Variants in LAMC3 observed in about 807,000 individuals in gnomAD.
The protein encoded by LAMC3 is laminin subunit gamma 3, also known as laminin subunit gamma-3.
In LAMC3, 128 loss-of-function variants were observed where a neutral mutation model predicts 173.8. The observed-to-expected ratio is 0.74, with a 90% CI of 0.64 to 0.85. The LOEUF is 0.85. LAMC3 is among the 40% of genes least tolerant of loss of function. The pLI is 0.00. For synonymous variants in LAMC3, 897 were observed against 909.1 expected (o/e 0.99, Z 0.24); for missense variants, 2,022 against 2,156.0 (o/e 0.94, Z 1.23).
chr9:131,080,694 G>C (rs1830223324), intron 23 of LAMC3, among the ~76,000 whole-genome samples: 1 of 152,040 alleles, frequency 6.6e-6, no homozygotes, highest in Non-Finnish European at 1.5e-5. Flanking sequence ...TTTGCCCCCG[G>C]GGTAGCACCT....
intron 4 of LAMC3, 57 bp downstream of exon 4, chr9:131,036,389 G>A (rs1833946108): frequency 1.2e-6 from 2 of 1,600,934 alleles, no homozygotes; most frequent in Non-Finnish European, 1.7e-6. Context: ...TGCAGGCGGG[G>A]AAAGGAACTC....
chr9:131,057,456 T>C (rs1282147068), intron 12 of LAMC3, among the ~76,000 whole-genome samples: 1 of 152,216 alleles, frequency 6.6e-6, no homozygotes, highest in Non-Finnish European at 1.5e-5. Flanking sequence ...GCTGGCCCTT[T>C]TCCCAGGAAG....
intron 11 of LAMC3, among the ~76,000 whole-genome samples, chr9:131,055,721 G>A (rs922719649): frequency 4.6e-5 from 7 of 151,490 alleles, no homozygotes; most frequent in Admixed American, 3.9e-4. Context: ...CACCGCGCCC[G>A]GCCCATTTTT....
chr9:131,071,677 C>A (rs576718282), intron 18 of LAMC3, 52 bp downstream of exon 18: 20 of 1,495,298 alleles, frequency 1.3e-5, no homozygotes, highest in Non-Finnish European at 1.7e-5. Context: ...AGGCCCCCAG[C>A]GCCTGCAGTC....
intron 16 of LAMC3, 30 bp downstream of exon 16, chr9:131,069,080 C>A: frequency 6.2e-7 from 1 of 1,612,138 alleles, no homozygotes; most frequent in South Asian, 1.1e-5. Context: ...CCCGGGCTGC[C>A]CTGAGGGTGG....
intron 17 of LAMC3, among the ~76,000 whole-genome samples, chr9:131,070,298 G>T (rs1050925808): frequency 1.3e-4 from 20 of 152,356 alleles, no homozygotes; most frequent in Admixed American, 2.6e-4. Flanking sequence ...GCAGGCAACA[G>T]CCTTGGTAAG....
At chr9:131,086,395 GTT>G (rs112612783) in intron 25 of LAMC3, among the ~76,000 whole-genome samples, 31 of 131,634 alleles carry the variant, frequency 2.4e-4, no homozygotes, top group Admixed American at 7.5e-4. Flanking sequence ...TTTTGGTTTT[GTT>G]TTTTTTTTTT....
chr9:131,032,265 G>A (rs1227958258), intron 3 of LAMC3, 90 bp downstream of exon 3: 14 of 442,332 alleles, frequency 3.2e-5, no homozygotes, highest in Non-Finnish European at 5.5e-5. Context: ...GGGTGGGGGG[G>A]CACAGAAGCC....
rs1833355060 is a variant in LAMC3 at position 131,009,202 on chromosome 9, G to A, written c.-13G>A. On this transcript the variant is annotated 5_prime_UTR_variant, in exon 1 of 28. Transcript: ENST00000361069. This position sits in a 1 kb window ranked among gnomAD's most constrained non-coding sequence, Gnocchi z 4.3. ...CGGGGCCGGCAGAGCGCGCGGCGTC[G>A]GTGCCCTTGACCATGGCGGCGGCTG... The A allele has an allele frequency of 2.5e-6, 3 of 1,199,862 alleles. No homozygotes were observed. The African/African-American group carries it at 4.8e-5, about 19-fold the overall frequency. The allele number at this position is 1,199,862 out of a possible 1,614,324, so 74.3% of individuals were successfully genotyped here. A position where few individuals can be genotyped will look rare whatever the true frequency, so the allele number is the denominator to read the frequency against.
At chr9:131,070,846 C>A (rs1021117144) in intron 17 of LAMC3, among the ~76,000 whole-genome samples, 3 of 152,206 alleles carry the variant, frequency 2.0e-5, no homozygotes, top group Non-Finnish European at 2.9e-5. Flanking sequence ...TAAATGAAGA[C>A]CACAAGTAGC....
rs759413189 is a variant in LAMC3, at chr9:131,057,159, G to C, written c.2158+12G>C. ...TGACCCCAACACAGGTGAGTCTCCT[G>C]GCACCCCATCCGAAGGCACCTGGGT... is the stretch of plus-strand genomic sequence containing the variant. On this transcript the variant is annotated intron_variant, in intron 12 of 27. Coordinates refer to ENST00000361069, the MANE Select transcript of LAMC3 (RefSeq NM_006059.4). 4 of 1,611,606 alleles carry C rather than the reference G, an allele frequency of 2.5e-6. No individual in the cohort carries two copies. The South Asian group carries it at 4.4e-5, about 18-fold the overall frequency.
At chr9:131,046,941 A>G (rs552152775) in intron 8 of LAMC3, among the ~76,000 whole-genome samples, 1 of 152,154 alleles carries the variant, frequency 6.6e-6, no homozygotes, top group South Asian at 2.1e-4. Flanking sequence ...AGCAGGACCG[A>G]GAGATGCGCG....
In LAMC3 at chr9:131,012,062, T is replaced by TACACACACACACACAC. The variant is rs33965311; in HGVS notation, c.373+2490_373+2505dup. Among the ~76,000 whole-genome samples, 159 of 138,512 alleles carry TACACACACACACACAC rather than the reference T, an allele frequency of 1.1e-3. 2 individuals carry two copies. The highest frequency in any genetic ancestry group is 3.8e-3 in the African/African-American group (146 of 38,288). 90.9% of individuals were successfully genotyped at this position (138,512 alleles called of 152,430 possible). A position where few individuals can be genotyped will look rare whatever the true frequency, so the allele number is the denominator to read the frequency against. On this transcript the variant is annotated intron_variant, in intron 1 of 27. Transcript: ENST00000361069. ...TGTAGAGAGCGAACACACACACACA[T>TACACACACACACACAC]ACACACACACACACACACACACACA...
chr9:131,019,456 TGA>T (rs1833590309), intron 1 of LAMC3, among the ~76,000 whole-genome samples: 1 of 152,070 alleles, frequency 6.6e-6, no homozygotes, highest in Non-Finnish European at 1.5e-5. Flanking sequence ...TATAATCCAG[TGA>T]GAGAGTGGAG....
At chr9:131,039,086 TC>T (rs778155620) in intron 5 of LAMC3, 34 bp downstream of exon 5, 1 of 1,612,340 alleles carries the variant, frequency 6.2e-7, no homozygotes, top group South Asian at 1.1e-5. Flanking sequence ...CCTCCGACCC[TC>T]TCCCTTTCCT....
intron 6 of LAMC3, among the ~76,000 whole-genome samples, chr9:131,040,759 C>G (rs926987634): frequency 3.9e-5 from 6 of 152,134 alleles, no homozygotes; most frequent in Non-Finnish European, 8.8e-5. Context: ...GCTGAGCAGC[C>G]CCGCTCTCGG....
chr9:131,089,314 TA>T lies in LAMC3; in HGVS notation c.4477+1509del, dbSNP rs1243944155. On this transcript the variant is annotated intron_variant, in intron 27 of 27. Transcript: ENST00000361069. ...CGTTGTGCACATGTACCCTATAACT[TA>T]AAAAAAAAAAAGAATTTGACTACTC... 1.7e-3 allele frequency among the ~76,000 whole-genome samples: 245 copies of T among 144,036 alleles called. 1 individual carries two copies. Among genetic ancestry groups the T allele is most frequent in the Non-Finnish European group, 1.7e-3 (114 of 65,352 alleles). 94.5% of individuals were successfully genotyped at this position (144,036 alleles called of 152,430 possible). A position where few individuals can be genotyped will look rare whatever the true frequency, so the allele number is the denominator to read the frequency against.
chr9:131,050,905 G>A (rs1343197085), intron 9 of LAMC3, among the ~76,000 whole-genome samples: 3 of 152,146 alleles, frequency 2.0e-5, no homozygotes, highest in African/African-American at 2.4e-5. Flanking sequence ...CGTGTAGAAC[G>A]TGAGTAGCAA....
At chr9:131,047,199 G>C (rs2133271242) in intron 8 of LAMC3, among the ~76,000 whole-genome samples, 1 of 79,746 alleles carries the variant, frequency 1.3e-5, no homozygotes, top group Non-Finnish European at 2.6e-5. Context: ...GAGTCTCACT[G>C]TGTTGCCCAG....
Sources: allele counts gnomAD v4.1 joint callset (sites outside exome capture counted in the v4.1 genomes callset), GRCh38; gene constraint gnomAD v4.1.1; non-coding constraint Gnocchi (gnomAD v3.1); transcripts MANE v1.5; gene names NCBI Gene and HGNC (gene_info 2026-07-23, HGNC 2026-07-21).